UBAP2: variants seen among roughly 807,000 people sequenced by gnomAD.
UBAP2 encodes ubiquitin-associated protein 2.
Under a neutral mutation model 139.6 loss-of-function variants are expected in UBAP2, and 75 were observed. The ratio of observed to expected loss-of-function variants is 0.54; its 90% CI spans 0.45 to 0.65. UBAP2 has a LOEUF of 0.65. Among genes scored for constraint, UBAP2 ranks in the 30% least tolerant of loss-of-function variants. The pLI is 0.00. For synonymous variants in UBAP2, 526 were observed against 526.2 expected (o/e 1.00, Z 0.01); for missense variants, 1,368 against 1,369.6 (o/e 1.00, Z 0.02).
intron 2 of UBAP2, 50 bp from the exon 3 acceptor site, chr9:33,998,914 T>C (rs1822435211): frequency 3.3e-6 from 5 of 1,518,794 alleles, no homozygotes; most frequent in Non-Finnish European, 4.5e-6. Context: ...AAGCATAAGT[T>C]AGATTCCAAA....
chr9:34,011,653 A>T, intron 2 of UBAP2: 1 of 987,554 alleles, frequency 1.0e-6, no homozygotes, highest in Non-Finnish European at 1.2e-6. Flanking sequence ...AAGTGTCAAG[A>T]GGTCGGTACA....
intron 15 of UBAP2, among the ~76,000 whole-genome samples, chr9:33,942,327 A>G (rs1825296976): frequency 6.6e-6 from 1 of 152,060 alleles, no homozygotes; most frequent in Non-Finnish European, 1.5e-5. Flanking sequence ...AAGAAAAAAA[A>G]TAAGAAGATT....
rs1825741143 is a variant in UBAP2 at position 34,029,920 on chromosome 9, G to T, written c.-41-12731C>A. Among the ~76,000 whole-genome samples the T allele has an allele frequency of 1.3e-5, 2 of 151,662 alleles. 1 individual carries two copies. The highest frequency in any genetic ancestry group is 4.2e-4 in the South Asian group (2 of 4,802). On this transcript the variant is annotated intron_variant, in intron 1 of 28. Transcript: ENST00000379238. ...GAGAACTGCTTGAACCCGAGAGGCA[G>T]AGGTTGCAGTGAGCTGAGATTGCGC...
intron 1 of UBAP2, among the ~76,000 whole-genome samples, chr9:34,048,588 G>A (rs1421042094): frequency 6.6e-6 from 1 of 152,142 alleles, no homozygotes; most frequent in Non-Finnish European, 1.5e-5. Context: ...ACCTGGACGG[G>A]GGAAAGTAGG....
chr9:34,022,101 C>G (rs745428316), intron 1 of UBAP2, among the ~76,000 whole-genome samples: 4 of 151,938 alleles, frequency 2.6e-5, no homozygotes, highest in Non-Finnish European at 5.9e-5. Flanking sequence ...AAAAATTAGC[C>G]GGGCATGGTG....
intron 11 of UBAP2, among the ~76,000 whole-genome samples, chr9:33,953,804 C>A (rs941086398): frequency 1.6e-4 from 24 of 152,106 alleles, no homozygotes; most frequent in Non-Finnish European, 2.9e-4. Flanking sequence ...GTTCATTTTA[C>A]CTAGAATATT....
In UBAP2 at chr9:33,922,806, C is replaced by T. The variant is rs1484945418; in HGVS notation, c.3145G>A (p.Gly1049Arg). Residue 1049 changes from glycine (G) to arginine (R), a missense_variant, in exon 28 of 29, where the codon GGG becomes AGG. By Grantham distance (125) the Gly-to-Arg change is moderately radical. Transcript: ENST00000379238. Reference protein sequence around the residue: ...FSLPSVLGSTGPLASGAAPGY... With the variant: ...FSLPSVLGSTRPLASGAAPGY... ...GGGGCCGCTCCCGAGGCCAGGGGCC[C>T]AGTGGAGCCCAAGACCGAGGGCAGG... is the stretch of plus-strand genomic sequence containing the variant. 1 of 1,567,338 alleles carries T rather than the reference C, an allele frequency of 6.4e-7. No homozygotes were observed. The highest frequency in any genetic ancestry group is 8.6e-7 in the Non-Finnish European group (1 of 1,156,120).
intron 3 of UBAP2, 115 bp downstream of exon 3, chr9:33,998,672 G>A: frequency 1.2e-6 from 1 of 864,556 alleles, no homozygotes. Flanking sequence ...CAGATTTCAG[G>A]TGAGACTAGA....
chr9:33,930,662 C>A (rs1823893021), intron 19 of UBAP2, among the ~76,000 whole-genome samples: 1 of 152,086 alleles, frequency 6.6e-6, no homozygotes, highest in Admixed American at 6.6e-5. Flanking sequence ...CTTTGGGAGG[C>A]CGAGGCGGGT....
intron 10 of UBAP2, among the ~76,000 whole-genome samples, 156 bp downstream of exon 10, chr9:33,960,670 T>C (rs1826972777): frequency 6.6e-6 from 1 of 151,742 alleles, no homozygotes; most frequent in Non-Finnish European, 1.5e-5. Context: ...ATCCCAGCTA[T>C]TTGGGAGGCT....
intron 1 of UBAP2, among the ~76,000 whole-genome samples, chr9:34,022,235 G>A (rs1825013461): frequency 6.6e-6 from 1 of 151,860 alleles, no homozygotes; most frequent in Non-Finnish European, 1.5e-5. Context: ...ACAAGAGCGA[G>A]ACACCATCTA....
intron 4 of UBAP2, among the ~76,000 whole-genome samples, chr9:33,993,373 G>A (rs1821877904): frequency 6.6e-6 from 1 of 152,204 alleles, no homozygotes; most frequent in Non-Finnish European, 1.5e-5. Context: ...CATAGGTGCT[G>A]CAGATGGCAA....
intron 2 of UBAP2, among the ~76,000 whole-genome samples, chr9:34,007,637 G>GTTTT (rs1564059548): frequency 3.6e-5 from 5 of 137,958 alleles, no homozygotes; most frequent in South Asian, 2.2e-4. Context: ...GTCCTTGTAT[G>GTTTT]TTTTATTTTT....
chr9:34,009,467 C>T (rs575294477), intron 2 of UBAP2, among the ~76,000 whole-genome samples: 62 of 152,100 alleles, frequency 4.1e-4, no homozygotes, highest in Non-Finnish European at 7.5e-4. Flanking sequence ...GCTACTTGGC[C>T]CAGGATGGTC....
chr9:34,035,532 T>TATATATATATATATATATATA (rs1466687163), intron 1 of UBAP2, among the ~76,000 whole-genome samples: 2 of 104,140 alleles, frequency 1.9e-5, no homozygotes, highest in Admixed American at 1.1e-4. Context: ...TATATAAAGA[T>TATATATATATATATATATATA]TAGCCAGGTT....
intron 4 of UBAP2, among the ~76,000 whole-genome samples, chr9:33,991,488 G>A (rs562654797): frequency 1.6e-4 from 24 of 151,998 alleles, no homozygotes; most frequent in Non-Finnish European, 3.4e-4. Context: ...TATAGAAAGA[G>A]GTCCTTGATA....
At chr9:34,021,621 G>T (rs10971857) in intron 1 of UBAP2, among the ~76,000 whole-genome samples, 11,931 of 142,592 alleles carry the variant, frequency 0.084, 675 homozygotes, top group Non-Finnish European at 0.12. Flanking sequence ...ATTTGAGAAA[G>T]AATCCATTTG....
Position 33,963,737 on chromosome 9 carries a change from T to C in UBAP2, c.734A>G (p.Tyr245Cys), listed in dbSNP as rs1362994549. ...IAQDLSNKSSYGLKGAWKNSV... is the reference protein window; with the variant it reads ...IAQDLSNKSSCGLKGAWKNSV... ...TTAAGTATTCATACCTTTGAGTCCA[T>C]AAGAACTTTTGTTTGACAGATCCTG... The change falls in exon 9 of 29, where the codon TAT (tyrosine) becomes TGT (cysteine). Residue 245 changes from tyrosine (Y) to cysteine (C), a missense_variant. By Grantham distance (194) the Tyr-to-Cys change is radical. Coordinates refer to ENST00000379238, the MANE Select transcript of UBAP2 (RefSeq NM_001370062.2). The C allele has an allele frequency of 1.2e-6, 2 of 1,608,278 alleles. No individual in the cohort carries two copies. The highest frequency in any genetic ancestry group is 1.7e-6 in the Non-Finnish European group (2 of 1,175,108).
At chr9:33,926,309 AAG>A (rs774198679) in intron 22 of UBAP2, among the ~76,000 whole-genome samples, 13 of 152,338 alleles carry the variant, frequency 8.5e-5, no homozygotes, top group African/African-American at 1.7e-4. Context: ...CTTTTTAAAA[AAG>A]AGAGAGAAAA....
Sources: gnomAD v4.1 joint callset for allele counts (sites outside exome capture counted in the v4.1 genomes callset) on GRCh38, gnomAD v4.1.1 for gene constraint, MANE v1.5 for transcripts, NCBI Gene and HGNC (gene_info 2026-07-23, HGNC 2026-07-21) for gene names.